PARVA: variants seen among roughly 807,000 people sequenced by gnomAD.
PARVA encodes alpha-parvin.
Under a neutral mutation model 52.6 loss-of-function variants are expected in PARVA, and 25 were observed. The ratio of observed to expected loss-of-function variants is 0.48; its 90% confidence interval spans 0.35 to 0.66. The LOEUF is 0.66. PARVA is among the 30% of genes least tolerant of loss of function. The probability of loss-of-function intolerance (pLI) is 0.01; values close to 1 mark genes in which losing one functional copy is unlikely to be tolerated. For synonymous variants in PARVA, 185 were observed against 179.1 expected, an observed-to-expected ratio of 1.03 and a Z score of -0.26; for missense variants, 373 against 450.9, an observed-to-expected ratio of 0.83 and a Z score of 1.56.
At chr11:12,466,735 TTTTATAGTA>T (rs1407726667) in intron 1 of PARVA, among the ~76,000 whole-genome samples, 7 of 151,932 alleles carry the variant, frequency 4.6e-5, no homozygotes, top group Non-Finnish European at 1.0e-4. Flanking sequence ...TTTCTAGAAG[TTTTATAGTA>T]TTGTGTTTTA....
intron 5 of PARVA, among the ~76,000 whole-genome samples, chr11:12,496,807 C>T (rs961767288): frequency 1.3e-5 from 2 of 152,332 alleles, no homozygotes; most frequent in East Asian, 3.9e-4. Flanking sequence ...CAAAATCTCA[C>T]GTTCCTCTTC....
rs1352793719 is a variant in PARVA at position 12,535,164 on chromosome 11, G to T, written c.*7239G>T. On this transcript the variant is annotated 3_prime_UTR_variant, in exon 13 of 13. Transcript: ENST00000334956. Reference sequence around the variant, plus strand: ...AGCTCACTTCCATAATGTCCTCCTAGGCTGCATTGGAATTGTGTGTTGTCT... The same window carrying T: ...AGCTCACTTCCATAATGTCCTCCTATGCTGCATTGGAATTGTGTGTTGTCT... 1.3e-5 allele frequency among the ~76,000 whole-genome samples: 2 copies of T among 152,152 alleles called. No individual in the cohort carries two copies. The highest frequency in any genetic ancestry group is 4.8e-5 in the African/African-American group (2 of 41,434).
chr11:12,392,334 T>C (rs1280823788), intron 1 of PARVA, among the ~76,000 whole-genome samples: 2 of 151,090 alleles, frequency 1.3e-5, no homozygotes, highest in African/African-American at 4.9e-5. Context: ...AGTGGCGCGA[T>C]GTCAGCTCAC....
intron 1 of PARVA, among the ~76,000 whole-genome samples, chr11:12,442,191 A>AG (rs1414923466): frequency 2.0e-5 from 3 of 152,264 alleles, no homozygotes; most frequent in Non-Finnish European, 4.4e-5. Flanking sequence ...GAGGATAAGG[A>AG]GTCCTGGACA....
intron 12 of PARVA, among the ~76,000 whole-genome samples, chr11:12,527,389 C>T (rs1302475406): frequency 6.6e-6 from 1 of 152,100 alleles, no homozygotes; most frequent in Non-Finnish European, 1.5e-5. Context: ...ACCTCAAACC[C>T]TTCTGCCATG....
At chr11:12,399,348 A>G (rs748326731) in intron 1 of PARVA, among the ~76,000 whole-genome samples, 42 of 152,312 alleles carry the variant, frequency 2.8e-4, no homozygotes, top group Non-Finnish European at 4.1e-4. Context: ...TTTATTTCCA[A>G]TCCTTTGTGG....
chr11:12,454,609 G>T (rs988589519), intron 1 of PARVA, among the ~76,000 whole-genome samples: 1 of 151,310 alleles, frequency 6.6e-6, no homozygotes, highest in Non-Finnish European at 1.5e-5. Context: ...ACTTCTGACT[G>T]TGGAAAACTT....
At chr11:12,472,740 G>A (rs932647669) in intron 1 of PARVA, among the ~76,000 whole-genome samples, 2 of 152,186 alleles carry the variant, frequency 1.3e-5, no homozygotes, top group Non-Finnish European at 2.9e-5. Flanking sequence ...GTTGATTGCA[G>A]CTGCTGTATT....
At chr11:12,409,631 C>T (rs1191557148) in intron 1 of PARVA, among the ~76,000 whole-genome samples, 3 of 151,964 alleles carry the variant, frequency 2.0e-5, no homozygotes, top group Admixed American at 6.5e-5. Flanking sequence ...GGGCCACAAA[C>T]CAAAAAATAG....
chr11:12,444,540 G>C (rs373683895), intron 1 of PARVA, among the ~76,000 whole-genome samples: 1 of 152,042 alleles, frequency 6.6e-6, no homozygotes, highest in Non-Finnish European at 1.5e-5. Context: ...GAACTCCTGG[G>C]TTCAAGTGAT....
At chr11:12,431,003 C>T (rs1454050853) in intron 1 of PARVA, among the ~76,000 whole-genome samples, 1 of 152,236 alleles carries the variant, frequency 6.6e-6, no homozygotes, top group African/African-American at 2.4e-5. Context: ...GCTCCACCCT[C>T]AGCCTTATTT....
At chr11:12,526,437 C>T (rs1941702201) in intron 12 of PARVA, among the ~76,000 whole-genome samples, 1 of 152,184 alleles carries the variant, frequency 6.6e-6, no homozygotes, top group African/African-American at 2.4e-5. Context: ...TCACCTACTT[C>T]ATCTGACCTC....
At chr11:12,492,135 C>T (rs1194852223) in intron 4 of PARVA, among the ~76,000 whole-genome samples, 1 of 152,182 alleles carries the variant, frequency 6.6e-6, no homozygotes, top group African/African-American at 2.4e-5. Flanking sequence ...GTTAGAACAT[C>T]TCAGTTCTCC....
At chr11:12,474,050 T>A in intron 3 of PARVA, 67 bp downstream of exon 3, 2 of 1,258,548 alleles carry the variant, frequency 1.6e-6, no homozygotes, top group Non-Finnish European at 2.3e-6. Flanking sequence ...TGCCACCTGC[T>A]CTGTGCAGGT....
At chr11:12,420,587 C>T (rs943185077) in intron 1 of PARVA, among the ~76,000 whole-genome samples, 1 of 152,126 alleles carries the variant, frequency 6.6e-6, no homozygotes, top group Non-Finnish European at 1.5e-5. Context: ...TCTGTAAGCT[C>T]CTGGAAGTAA....
Position 12,444,744 on chromosome 11 carries a change from G to A in PARVA, c.137-29001G>A, listed in dbSNP as rs189603528. Among the ~76,000 whole-genome samples, 227 of 152,268 alleles carry A rather than the reference G, an allele frequency of 1.5e-3. 1 individual carries two copies. Among genetic ancestry groups the A allele is most frequent in the African/African-American group, 5.3e-3 (219 of 41,528 alleles). ...TCTGGTATTCTGGTTGCCCCTGAAG[G>A]AAGAAGCCACTGGTTATTACTACAT... On this transcript the variant is annotated intron_variant, in intron 1 of 12. Transcript: ENST00000334956.
chr11:12,474,098 C>T, intron 3 of PARVA, 115 bp downstream of exon 3: 1 of 785,274 alleles, frequency 1.3e-6, no homozygotes, highest in South Asian at 1.5e-5. Context: ...AAAGTCATGG[C>T]AGCCCCTGCC....
At chr11:12,463,402 G>C (rs187941958) in intron 1 of PARVA, among the ~76,000 whole-genome samples, 1 of 152,178 alleles carries the variant, frequency 6.6e-6, no homozygotes, top group East Asian at 1.9e-4. Context: ...ACAGTTTTGA[G>C]GAGTACTGGT....
intron 4 of PARVA, chr11:12,480,223 CA>C (rs35713190): frequency 0.47 from 56,295 of 121,050 alleles, 12,684 homozygotes; most frequent in East Asian, 0.63. Context: ...GACTCCCTCT[CA>C]AAAAAAAAAA....
Sources: gnomAD v4.1 joint callset for allele counts (sites outside exome capture counted in the v4.1 genomes callset) on GRCh38, gnomAD v4.1.1 for gene constraint, MANE v1.5 for transcripts, NCBI Gene and HGNC (gene_info 2026-07-23, HGNC 2026-07-21) for gene names.